ANKH: variants seen among roughly 807,000 people sequenced by gnomAD.
ANKH encodes ANKH inorganic pyrophosphate transport regulator.
Under a neutral mutation model 49.0 loss-of-function variants are expected in ANKH, and 15 were observed. The observed-to-expected ratio is 0.31, with a 90% confidence interval of 0.20 to 0.47. The LOEUF is 0.47. ANKH is among the 20% of genes least tolerant of loss of function. The pLI, the probability that ANKH is intolerant of heterozygous loss-of-function variation, is 1.00. For synonymous variants in ANKH, 273 were observed against 260.0 expected (o/e 1.05, Z -0.48); for missense variants, 429 against 652.0 (o/e 0.66, Z 3.72).
In ANKH at chr5:14,723,995, CGTT is replaced by C. The variant is rs1737747911; in HGVS notation, c.1012-7163_1012-7161del. 2.0e-5 allele frequency among the ~76,000 whole-genome samples: 3 copies of C among 152,128 alleles called. No individual in the cohort carries two copies. In the South Asian group the frequency reaches 6.2e-4, roughly 32 times the overall value. On this transcript the variant is annotated intron_variant, in intron 8 of 11. Coordinates refer to ENST00000284268, the MANE Select transcript of ANKH (RefSeq NM_054027.6). ...CCAGGGATGATTTGGTTGAGCCTAA[CGTT>C]GATGATGACTCAGATCAATGAGTAA...
chr5:14,815,619 C>T (rs531132945), intron 1 of ANKH, among the ~76,000 whole-genome samples: 28 of 152,148 alleles, frequency 1.8e-4, no homozygotes, highest in Non-Finnish European at 3.5e-4. Flanking sequence ...AGTCAGTTCT[C>T]ATGGATGACA....
At position 14,710,050 on chromosome 5, in the gene ANKH, G is replaced by A. The variant is rs376296536; in HGVS notation, c.*1147C>T. On this transcript the variant is annotated 3_prime_UTR_variant, in exon 12 of 12. Transcript: ENST00000284268. ...AAATATACTGCACTGCATGGATTTC[G>A]AATGCGTTATTTCAGGGAGGACCAC... The A allele has an allele frequency of 5.7e-4, 87 of 152,222 alleles. No homozygotes were observed. The highest frequency in any genetic ancestry group is 2.0e-3 in the African/African-American group (84 of 41,526). 9.4% of individuals were successfully genotyped at this position (152,222 alleles called of 1,614,324 possible).
Position 14,713,770 on chromosome 5 carries a change from G to A in ANKH, c.1142-103C>T, listed in dbSNP as rs543866010. 20 of 1,526,802 alleles carry A rather than the reference G, an allele frequency of 1.3e-5. No homozygotes were observed. In the East Asian group the frequency reaches 4.5e-4, roughly 34 times the overall value. 94.6% of individuals were successfully genotyped at this position (1,526,802 alleles called of 1,614,324 possible). A position where few individuals can be genotyped will look rare whatever the true frequency, so the allele number is the denominator to read the frequency against. On this transcript the variant is annotated intron_variant, in intron 9 of 11. Coordinates refer to ENST00000284268, the MANE Select transcript of ANKH (RefSeq NM_054027.6). The surrounding 1 kb of genome is among the most constrained non-coding windows in gnomAD (Gnocchi z 4.4). ...ACATCCGAGAGCCAGGGGCTGCCTA[G>A]GACCCTGGCCTTGCTGTTGAGCCGC...
At chr5:14,830,569 G>C (rs568418006) in intron 1 of ANKH, among the ~76,000 whole-genome samples, 1 of 151,632 alleles carries the variant, frequency 6.6e-6, no homozygotes, top group East Asian at 1.9e-4. Flanking sequence ...GCAGACTTAG[G>C]AATAAAAAAC....
intron 1 of ANKH, among the ~76,000 whole-genome samples, chr5:14,828,805 G>A (rs1038668664): frequency 1.3e-5 from 2 of 152,142 alleles, no homozygotes; most frequent in African/African-American, 4.8e-5. Context: ...AGAAGAACAA[G>A]CTAGAAAACA....
chr5:14,729,743 G>C (rs187834527), intron 8 of ANKH, among the ~76,000 whole-genome samples: 18 of 152,228 alleles, frequency 1.2e-4, no homozygotes, highest in African/African-American at 3.9e-4. Flanking sequence ...AAAAGGGGTG[G>C]AGCCAGAATT....
At chr5:14,767,780 C>CT (rs57842545) in intron 2 of ANKH, among the ~76,000 whole-genome samples, 1,688 of 150,226 alleles carry the variant, frequency 0.011, 29 homozygotes, top group African/African-American at 0.037. Flanking sequence ...AAATATATGG[C>CT]TTTTTTTTTT....
At chr5:14,765,461 A>G (rs1030227990) in intron 2 of ANKH, among the ~76,000 whole-genome samples, 16 of 152,182 alleles carry the variant, frequency 1.1e-4, no homozygotes, top group East Asian at 1.9e-4. Context: ...CTCTGGGGCC[A>G]TCTTTCCCGC....
At chr5:14,812,179 G>T (rs1284081308) in intron 1 of ANKH, among the ~76,000 whole-genome samples, 2 of 146,872 alleles carry the variant, frequency 1.4e-5, no homozygotes, top group Non-Finnish European at 3.0e-5. Flanking sequence ...ACTACCAAGG[G>T]AAAACAGATT....
chr5:14,789,145 T>C (rs1740076065), intron 1 of ANKH, among the ~76,000 whole-genome samples: 1 of 152,120 alleles, frequency 6.6e-6, no homozygotes, highest in Admixed American at 6.5e-5. Flanking sequence ...GGAGAATCGC[T>C]TGAACCTTGG....
rs1218173931 is a variant in ANKH at position 14,713,692 on chromosome 5, T to C, written c.1142-25A>G. Reference sequence around the variant, plus strand: ...ACTGTTGGGAGGAGCAAAGGACTCGTCAGCCGTGCCCGCCATCCACTCCCC... The same window carrying C: ...ACTGTTGGGAGGAGCAAAGGACTCGCCAGCCGTGCCCGCCATCCACTCCCC... On this transcript the variant is annotated intron_variant, in intron 9 of 11. Transcript: ENST00000284268. This position sits in a 1 kb window ranked among gnomAD's most constrained non-coding sequence, Gnocchi z 4.4. 2 of 1,612,610 alleles carry C rather than the reference T, an allele frequency of 1.2e-6. No homozygotes were observed. The highest frequency in any genetic ancestry group is 2.2e-5 in the South Asian group (2 of 91,018).
At chr5:14,748,256 AG>A (rs1323566014) in intron 6 of ANKH, among the ~76,000 whole-genome samples, 1 of 152,250 alleles carries the variant, frequency 6.6e-6, no homozygotes, top group African/African-American at 2.4e-5. Context: ...GAACACATGA[AG>A]CAAGAGAAAG....
chr5:14,866,337 C>T (rs912255338), intron 1 of ANKH, among the ~76,000 whole-genome samples: 3 of 152,206 alleles, frequency 2.0e-5, no homozygotes, highest in Admixed American at 6.5e-5. Flanking sequence ...AAGAGTAGAT[C>T]ACCTGGCCCT....
intron 1 of ANKH, among the ~76,000 whole-genome samples, chr5:14,838,441 GAA>G (rs1741722462): frequency 6.6e-6 from 1 of 150,556 alleles, no homozygotes; most frequent in African/African-American, 2.4e-5. Context: ...AAATAAACAA[GAA>G]AAAGAAAAAA....
At chr5:14,761,772 T>C (rs1055074703) in intron 2 of ANKH, among the ~76,000 whole-genome samples, 17 of 150,810 alleles carry the variant, frequency 1.1e-4, no homozygotes, top group Middle Eastern at 3.4e-3. Context: ...CCTTTTTTTT[T>C]TTTTCCTTTG....
chr5:14,745,845 G>A lies in ANKH; in HGVS notation c.915+25C>T. On this transcript the variant is annotated intron_variant, in intron 7 of 11. Coordinates refer to ENST00000284268, the MANE Select transcript of ANKH (RefSeq NM_054027.6). This position sits in a 1 kb window ranked among gnomAD's most constrained non-coding sequence, Gnocchi z 4.7. ...GAAGTCATTTCAAAAGCATGTTTCAGACACGACACCGCACGGGTTCTCACC... is the reference window on the plus strand; with the variant it reads ...GAAGTCATTTCAAAAGCATGTTTCAAACACGACACCGCACGGGTTCTCACC... 1 of 1,609,738 alleles carries A rather than the reference G, an allele frequency of 6.2e-7. No homozygotes were observed. Among genetic ancestry groups the A allele is most frequent in the South Asian group, 1.1e-5 (1 of 90,980 alleles).
intron 1 of ANKH, among the ~76,000 whole-genome samples, chr5:14,845,004 T>C (rs979436833): frequency 6.6e-6 from 1 of 151,774 alleles, no homozygotes; most frequent in Admixed American, 6.6e-5. Context: ...CCTGCTCTTT[T>C]ATTCCTGTTT....
At chr5:14,740,196 A>G (rs1327047610) in intron 8 of ANKH, among the ~76,000 whole-genome samples, 1 of 152,224 alleles carries the variant, frequency 6.6e-6, no homozygotes, top group Non-Finnish European at 1.5e-5. Flanking sequence ...CTTTATATGC[A>G]GATGAGGTCC....
intron 7 of ANKH, among the ~76,000 whole-genome samples, chr5:14,742,134 C>T (rs1738380682): frequency 6.6e-6 from 1 of 152,184 alleles, no homozygotes; most frequent in Non-Finnish European, 1.5e-5. Flanking sequence ...GAATTCTCGA[C>T]TCAATGCCCT....
Sources: allele counts gnomAD v4.1 joint callset (sites outside exome capture counted in the v4.1 genomes callset), GRCh38; gene constraint gnomAD v4.1.1; non-coding constraint Gnocchi (gnomAD v3.1); transcripts MANE v1.5; gene names NCBI Gene and HGNC (gene_info 2026-07-23, HGNC 2026-07-21).